DGKB: variants seen among roughly 807,000 people sequenced by gnomAD.
The protein encoded by DGKB is 90 kDa diacylglycerol kinase.
In DGKB, 67 loss-of-function variants were observed where a neutral mutation model predicts 114.3. The observed-to-expected ratio is 0.59, with a 90% CI of 0.48 to 0.72. The LOEUF is 0.72. Ranked by LOEUF, DGKB falls within the 30% of genes least tolerant of loss-of-function variation. The pLI is 0.00. For synonymous variants in DGKB, 398 were observed against 323.1 expected (o/e 1.23, Z -2.49); for missense variants, 907 against 975.2 (o/e 0.93, Z 0.93).
At chr7:14,526,822 C>T (rs192062922) in intron 20 of DGKB, among the ~76,000 whole-genome samples, 1 of 152,098 alleles carries the variant, frequency 6.6e-6, no homozygotes, top group Non-Finnish European at 1.5e-5. Context: ...ACGCCACACA[C>T]AGACACACAC....
intron 2 of DGKB, among the ~76,000 whole-genome samples, chr7:14,802,112 C>T (rs2037228094): frequency 3.9e-5 from 6 of 152,080 alleles, no homozygotes; most frequent in Admixed American, 3.9e-4. Context: ...AATTGTCCCA[C>T]TTATTTATAG....
intron 20 of DGKB, among the ~76,000 whole-genome samples, chr7:14,550,496 A>T (rs887008755): frequency 6.6e-6 from 1 of 152,208 alleles, no homozygotes; most frequent in Non-Finnish European, 1.5e-5. Flanking sequence ...CCTATTAGAA[A>T]GCATCTTCCA....
At chr7:14,380,856 T>C (rs559336938) in intron 21 of DGKB, among the ~76,000 whole-genome samples, 1 of 152,360 alleles carries the variant, frequency 6.6e-6, no homozygotes, top group African/African-American at 2.4e-5. Context: ...GCAGAACAGC[T>C]ACCAACACCC....
chr7:14,821,393 T>A (rs1737997624), intron 2 of DGKB, among the ~76,000 whole-genome samples: 1 of 152,146 alleles, frequency 6.6e-6, no homozygotes, highest in African/African-American at 2.4e-5. Flanking sequence ...CCAATCACAT[T>A]AACTGTGTTG....
chr7:14,400,321 C>T (rs940603092), intron 21 of DGKB, among the ~76,000 whole-genome samples: 17 of 151,812 alleles, frequency 1.1e-4, no homozygotes, highest in African/African-American at 4.1e-4. Context: ...AGAGAAATCA[C>T]TGAGCTAATC....
chr7:14,682,753 A>G lies in DGKB; in HGVS notation c.918T>C (p.Asp306=). Residue 306 remains aspartate, a splice_region_variant and synonymous_variant, in exon 11 of 26, where the codon GAT becomes GAC. Coordinates refer to ENST00000402815, the MANE Select transcript of DGKB (RefSeq NM_001350709.2). Reference sequence around the variant, plus strand: ...AAAGCAAGCATGCACACAAACTTACATCAGTGTTCCTTTTGGACTTCACAT... The same window carrying G: ...AAAGCAAGCATGCACACAAACTTACGTCAGTGTTCCTTTTGGACTTCACAT... ...KTYVKSKRNT[D]VMHHYWVEGN... is the part of the protein sequence containing the mutation. 10 of 1,612,310 alleles carry G rather than the reference A, an allele frequency of 6.2e-6. No individual in the cohort carries two copies. Among genetic ancestry groups the G allele is most frequent in the African/African-American group, 2.7e-5 (2 of 74,992 alleles).
intron 19 of DGKB, among the ~76,000 whole-genome samples, chr7:14,580,206 G>A (rs1479452503): frequency 6.6e-6 from 1 of 152,082 alleles, no homozygotes; most frequent in Non-Finnish European, 1.5e-5. Flanking sequence ...CGCCTATGAA[G>A]TTCACACCCA....
At chr7:14,246,808 G>A (rs73069621) in intron 23 of DGKB, among the ~76,000 whole-genome samples, 18,046 of 152,108 alleles carry the variant, frequency 0.12, 1,367 homozygotes, top group East Asian at 0.21. Context: ...CCTTTTGTGT[G>A]TGTGTGTGTT....
chr7:14,809,333 G>C (rs1482893444), intron 2 of DGKB, among the ~76,000 whole-genome samples: 1 of 151,984 alleles, frequency 6.6e-6, no homozygotes, highest in East Asian at 1.9e-4. Context: ...TAGCATTTCA[G>C]GTCAAATATG....
chr7:14,189,554 C>T (rs1254446510), intron 23 of DGKB, among the ~76,000 whole-genome samples: 1 of 152,014 alleles, frequency 6.6e-6, no homozygotes, highest in Non-Finnish European at 1.5e-5. Flanking sequence ...AAGTACTTAT[C>T]TAACAATAAT....
At chr7:14,591,051 G>T (rs1003207084) in intron 17 of DGKB, among the ~76,000 whole-genome samples, 4 of 152,104 alleles carry the variant, frequency 2.6e-5, no homozygotes, top group African/African-American at 9.7e-5. Context: ...GAGGAAAACA[G>T]CTGTGATAGA....
chr7:14,688,077 G>A (rs1417885960), intron 9 of DGKB, among the ~76,000 whole-genome samples: 1 of 152,190 alleles, frequency 6.6e-6, no homozygotes, highest in Non-Finnish European at 1.5e-5. Context: ...TTACTTCTCA[G>A]CAGTGCAAAT....
intron 4 of DGKB, among the ~76,000 whole-genome samples, chr7:14,752,037 C>G (rs1834201783): frequency 6.6e-6 from 1 of 152,130 alleles, no homozygotes; most frequent in African/African-American, 2.4e-5. Context: ...GGCTGATGCT[C>G]TCTTCCTTTT....
At chr7:14,947,634 T>C (rs1482097620) in intron 1 of DGKB, among the ~76,000 whole-genome samples, 1 of 151,742 alleles carries the variant, frequency 6.6e-6, no homozygotes, top group Non-Finnish European at 1.5e-5. Flanking sequence ...TGAAAGTTTT[T>C]ATGTGTGTCT....
chr7:14,602,886 T>A (rs1803810763), intron 17 of DGKB, among the ~76,000 whole-genome samples: 2 of 152,212 alleles, frequency 1.3e-5, no homozygotes, highest in Non-Finnish European at 2.9e-5. Flanking sequence ...TTTCAGCAAT[T>A]TTGATAGGCA....
At chr7:14,260,688 A>G (rs1160066936) in intron 23 of DGKB, among the ~76,000 whole-genome samples, 1 of 152,210 alleles carries the variant, frequency 6.6e-6, no homozygotes, top group Non-Finnish European at 1.5e-5. Flanking sequence ...TTCAGGCAAC[A>G]AGGCACTTTT....
chr7:14,469,590 G>A (rs532056279), intron 21 of DGKB, among the ~76,000 whole-genome samples: 1 of 152,066 alleles, frequency 6.6e-6, no homozygotes, highest in South Asian at 2.1e-4. Context: ...AAGTGTTCTG[G>A]TTTTATTAAT....
chr7:14,264,432 C>A (rs1797206169), intron 23 of DGKB, among the ~76,000 whole-genome samples: 1 of 152,092 alleles, frequency 6.6e-6, no homozygotes, highest in Non-Finnish European at 1.5e-5. Flanking sequence ...GCCTCTGTTG[C>A]TTTGTTTTTT....
intron 20 of DGKB, among the ~76,000 whole-genome samples, chr7:14,542,878 G>A (rs1006313818): frequency 2.0e-5 from 3 of 152,104 alleles, no homozygotes; most frequent in African/African-American, 4.8e-5. Context: ...CTGTGTTTAC[G>A]GAGATCCCAG....
Sources: gnomAD v4.1 joint callset for allele counts (sites outside exome capture counted in the v4.1 genomes callset) on GRCh38, gnomAD v4.1.1 for gene constraint, MANE v1.5 for transcripts, NCBI Gene and HGNC (gene_info 2026-07-23, HGNC 2026-07-21) for gene names.